The following AP3B2 variants were observed in gnomAD, a reference collection of about 807,000 sequenced individuals.
AP3B2 encodes adaptor related protein complex 3 subunit beta 2.
AP3B2 carries 50 observed loss-of-function variants against 126.9 expected under a neutral mutation model. The observed-to-expected ratio is 0.39, with a 90% CI of 0.31 to 0.50. The LOEUF (loss-of-function observed/expected upper bound fraction) is 0.50, where lower values mean the gene tolerates loss of function less well. Among genes scored for constraint, AP3B2 ranks in the 20% least tolerant of loss-of-function variants. The pLI is 0.79. For synonymous variants in AP3B2, 541 were observed against 565.0 expected (o/e 0.96, Z 0.60); for missense variants, 1,177 against 1,426.4 (o/e 0.83, Z 2.82).
chr15:82,680,073 C>CT lies in AP3B2; in HGVS notation c.1110+101_1110+102insA. On this transcript the variant is annotated intron_variant, in intron 9 of 26. Transcript: ENST00000535359. The surrounding 1 kb of genome is among the most constrained non-coding windows in gnomAD (Gnocchi z 6.1). The stretch of plus-strand genomic sequence containing the variant: ...CCTCTGCACAGCCAGGGTATTCCTC[C>CT]ATCTTCCCTTTCCCCGGCCCCGGTC... 6.7e-7 allele frequency: 1 copy of CT among 1,486,930 alleles called. No homozygotes were observed. The highest frequency in any genetic ancestry group is 9.2e-7 in the Non-Finnish European group (1 of 1,090,214). The allele number at this position is 1,486,930 out of a possible 1,614,324, so 92.1% of individuals were successfully genotyped here.
At chr15:82,687,053 G>A (rs556592770) in intron 4 of AP3B2, 2 of 152,146 alleles carry the variant, frequency 1.3e-5, no homozygotes, top group African/African-American at 4.8e-5. Context: ...TAGTTGTGGA[G>A]GTTTCAACAA....
At chr15:82,670,111 T>G (rs1432738101) in intron 14 of AP3B2, among the ~76,000 whole-genome samples, 2 of 89,124 alleles carry the variant, frequency 2.2e-5, no homozygotes, top group African/African-American at 4.6e-5. Flanking sequence ...TTTTTTTTTT[T>G]TGGCGGGGGG....
At chr15:82,695,474 T>C (rs747818753) in intron 1 of AP3B2, among the ~76,000 whole-genome samples, 6 of 152,070 alleles carry the variant, frequency 3.9e-5, no homozygotes, top group Non-Finnish European at 1.5e-5. Flanking sequence ...GTTGATCACA[T>C]GGCCAAAGAT....
intron 25 of AP3B2, among the ~76,000 whole-genome samples, chr15:82,660,992 T>G (rs1401932710): frequency 6.6e-6 from 1 of 152,178 alleles, no homozygotes; most frequent in Non-Finnish European, 1.5e-5. Flanking sequence ...AGTAGCCTTT[T>G]ATATGCTGAC....
chr15:82,689,463 G>T lies in AP3B2; in HGVS notation c.114-10C>A. 1 of 1,612,556 alleles carries T rather than the reference G, an allele frequency of 6.2e-7. No homozygotes were observed. The highest frequency in any genetic ancestry group is 8.5e-7 in the Non-Finnish European group (1 of 1,179,370). On this transcript the variant is annotated splice_polypyrimidine_tract_variant and intron_variant, in intron 1 of 26. Coordinates refer to ENST00000535359, the MANE Select transcript of AP3B2 (RefSeq NM_001278512.2). ...CTTCAGGTCATCATGCCTGGTGGGA[G>T]GTACAAGAAGTCAGCTGAGGGCACA...
At chr15:82,678,841 C>T (rs950105067) in intron 10 of AP3B2, among the ~76,000 whole-genome samples, 6 of 152,204 alleles carry the variant, frequency 3.9e-5, no homozygotes, top group African/African-American at 1.4e-4. Context: ...AAGGCAGGGT[C>T]CCTGATTAGT....
chr15:82,661,153 T>C (rs1396586425), intron 25 of AP3B2, among the ~76,000 whole-genome samples: 2 of 152,192 alleles, frequency 1.3e-5, no homozygotes, highest in South Asian at 4.1e-4. Context: ...GTTCTGTCCT[T>C]GGCCTTCCTA....
In AP3B2 at chr15:82,665,485, G is replaced by C. The variant is rs1567257469; in HGVS notation, c.1943C>G (p.Ala648Gly). 6.2e-7 allele frequency: 1 copy of C among 1,613,588 alleles called. No homozygotes were observed. Among genetic ancestry groups the C allele is most frequent in the East Asian group, 2.2e-5 (1 of 44,860 alleles). ...CACGTTGCGCACAGATGGGTCTGGG[G>C]CTTCCTCCGGCCAGTCTGGGAGCTC... is the stretch of plus-strand genomic sequence containing the variant. The part of the protein sequence containing the change: ...YQELPDWPEE[A>G]PDPSVRNVEE... Residue 648 changes from alanine to glycine, a missense_variant, in exon 16 of 27, where the codon GCC becomes GGC. By Grantham distance (60) the Ala-to-Gly change is moderately conservative. This residue lies in a region of AP3B2 where 587 missense variants were observed against 571.3 expected (regional missense o/e 1.03). Transcript: ENST00000535359. This position sits in a 1 kb window ranked among gnomAD's most constrained non-coding sequence, Gnocchi z 4.4.
At chr15:82,679,661 G>GA (rs2048299610) in intron 10 of AP3B2, 68 bp downstream of exon 10, 3 of 1,389,024 alleles carry the variant, frequency 2.2e-6, no homozygotes, top group Non-Finnish European at 3.0e-6. Flanking sequence ...GGGCCACTGT[G>GA]AGTTATTTGA....
chr15:82,683,049 T>TTTTTTG (rs2048369369), intron 4 of AP3B2, among the ~76,000 whole-genome samples: 1 of 66,686 alleles, frequency 1.5e-5, no homozygotes, highest in African/African-American at 1.3e-4. Flanking sequence ...CACCAGGAGT[T>TTTTTTG]TTTTTTTTTT....
chr15:82,670,003 CAAAA>C (rs964942203), intron 14 of AP3B2, among the ~76,000 whole-genome samples: 1 of 11,132 alleles, frequency 9.0e-5, no homozygotes, highest in Non-Finnish European at 1.6e-4. Context: ...AACTCCATCT[CAAAA>C]AAAAAAAAAA....
intron 1 of AP3B2, among the ~76,000 whole-genome samples, chr15:82,705,851 T>C (rs1440354627): frequency 6.6e-6 from 1 of 152,194 alleles, no homozygotes; most frequent in Admixed American, 6.5e-5. Context: ...TAAACCATTA[T>C]ATAAACTCAC....
At chr15:82,695,462 G>A (rs1229919924) in intron 1 of AP3B2, among the ~76,000 whole-genome samples, 2 of 152,084 alleles carry the variant, frequency 1.3e-5, no homozygotes, top group Non-Finnish European at 2.9e-5. Flanking sequence ...GCTGATGGTT[G>A]AGTTGATCAC....
intron 1 of AP3B2, among the ~76,000 whole-genome samples, chr15:82,694,620 G>C (rs1047485197): frequency 1.3e-5 from 2 of 151,970 alleles, no homozygotes; most frequent in Non-Finnish European, 2.9e-5. Context: ...AGATGTTGGA[G>C]GCTGCAGTGA....
chr15:82,668,385 C>T (rs2048093506), intron 14 of AP3B2, among the ~76,000 whole-genome samples: 1 of 152,236 alleles, frequency 6.6e-6, no homozygotes, highest in African/African-American at 2.4e-5. Flanking sequence ...CTGCCCCTCT[C>T]TTGGCCAGAC....
intron 14 of AP3B2, among the ~76,000 whole-genome samples, chr15:82,670,117 G>T (rs1273829338): frequency 2.2e-5 from 3 of 136,242 alleles, no homozygotes; most frequent in African/African-American, 5.5e-5. Flanking sequence ...TTTTTTGGCG[G>T]GGGGGGACGA....
chr15:82,660,664 C>T (rs944851902), intron 25 of AP3B2, among the ~76,000 whole-genome samples: 2 of 152,196 alleles, frequency 1.3e-5, no homozygotes, highest in Admixed American at 1.3e-4. Context: ...CTCTTTCCTC[C>T]CTCCACTGCT....
intron 1 of AP3B2, 44 bp from the exon 2 acceptor site, chr15:82,689,497 G>T: frequency 6.3e-7 from 1 of 1,584,268 alleles, no homozygotes; most frequent in Non-Finnish European, 8.6e-7. Flanking sequence ...CAAGGGTGGG[G>T]ATGGGGTATT....
chr15:82,691,972 A>C (rs1424799984), intron 1 of AP3B2: 1 of 1,438,078 alleles, frequency 7.0e-7, no homozygotes, highest in Non-Finnish European at 9.7e-7. Context: ...GCACATCGGC[A>C]TAACAGACAT....
Sources: gnomAD v4.1 joint callset for allele counts (sites outside exome capture counted in the v4.1 genomes callset) on GRCh38, gnomAD v4.1.1 for gene constraint, gnomAD v4.1.1 regional missense constraint, Gnocchi (gnomAD v3.1) non-coding constraint, MANE v1.5 for transcripts, NCBI Gene and HGNC (gene_info 2026-07-23, HGNC 2026-07-21) for gene names.